DPF3: variants seen among roughly 807,000 people sequenced by gnomAD.
DPF3 encodes zinc finger protein DPF3.
DPF3 carries 18 observed loss-of-function variants against 56.8 expected under a neutral mutation model. That is an observed-to-expected ratio of 0.32 (90% confidence interval 0.22 to 0.47). DPF3 has a LOEUF of 0.47. Among genes scored for constraint, DPF3 ranks in the 20% least tolerant of loss-of-function variants. The probability of loss-of-function intolerance (pLI) is 1.00; values close to 1 mark genes in which losing one functional copy is unlikely to be tolerated. For synonymous variants in DPF3, 188 were observed against 180.2 expected (o/e 1.04, Z -0.35); for missense variants, 403 against 488.8 (o/e 0.82, Z 1.65).
intron 8 of DPF3, among the ~76,000 whole-genome samples, chr14:72,630,745 G>A (rs150698961): frequency 6.6e-6 from 1 of 152,350 alleles, no homozygotes; most frequent in Non-Finnish European, 1.5e-5. Flanking sequence ...TACTGACTCT[G>A]TCACAAAAAA....
At chr14:72,758,284 C>T (rs1462382636) in intron 2 of DPF3, among the ~76,000 whole-genome samples, 1 of 152,134 alleles carries the variant, frequency 6.6e-6, no homozygotes, top group Non-Finnish European at 1.5e-5. Context: ...CATTGAAGGA[C>T]AGTGATCCCT....
intron 1 of DPF3, among the ~76,000 whole-genome samples, chr14:72,789,027 GC>G (rs1300428685): frequency 3.3e-5 from 5 of 152,274 alleles, no homozygotes; most frequent in Non-Finnish European, 2.9e-5. Flanking sequence ...CTCCAGTGAG[GC>G]CTCCCTCCAA....
At chr14:72,705,439 T>C (rs1298975612) in intron 6 of DPF3, among the ~76,000 whole-genome samples, 1 of 152,068 alleles carries the variant, frequency 6.6e-6, no homozygotes, top group Non-Finnish European at 1.5e-5. Flanking sequence ...TACAATGTAA[T>C]AATCATAGAA....
intron 5 of DPF3, 38 bp from the exon 6 acceptor site, chr14:72,714,539 G>C: frequency 6.2e-7 from 1 of 1,610,704 alleles, no homozygotes; most frequent in Non-Finnish European, 8.5e-7. Flanking sequence ...TTGTTACCAT[G>C]GTCATCACTA....
chr14:72,793,512 C>T (rs1892521148), intron 1 of DPF3, among the ~76,000 whole-genome samples: 1 of 152,214 alleles, frequency 6.6e-6, no homozygotes, highest in East Asian at 1.9e-4. Context: ...GCCATATGGG[C>T]TCCCCCTGCA....
chr14:72,661,715 G>A (rs929244532), intron 8 of DPF3: 19 of 985,296 alleles, frequency 1.9e-5, no homozygotes, highest in Middle Eastern at 5.2e-4. Flanking sequence ...CCTTCAGGTC[G>A]GCCTTCCTAG....
In DPF3 at chr14:72,765,046, A is replaced by G. The variant is rs535949085; in HGVS notation, c.193+6687T>C. ...ATTGGAGAATTGCTTGGTGTAGGGG[A>G]AAAGACATCCACACATCTGCTCACA... On this transcript the variant is annotated intron_variant, in intron 2 of 10. Transcript: ENST00000556509. 2.0e-5 allele frequency among the ~76,000 whole-genome samples: 3 copies of G among 152,308 alleles called. No individual in the cohort carries two copies. In the South Asian group the frequency reaches 6.2e-4, roughly 32 times the overall value.
At chr14:72,682,795 G>A (rs1262887276) in intron 7 of DPF3, among the ~76,000 whole-genome samples, 2 of 152,190 alleles carry the variant, frequency 1.3e-5, no homozygotes, top group Non-Finnish European at 2.9e-5. Flanking sequence ...CCAAAAGCAG[G>A]CCGGGAAGTT....
intron 3 of DPF3, among the ~76,000 whole-genome samples, chr14:72,747,469 A>G (rs1194148750): frequency 3.3e-5 from 5 of 152,048 alleles, no homozygotes; most frequent in East Asian, 1.9e-4. Flanking sequence ...CACTTACCCT[A>G]TGAGGAGAAG....
chr14:72,769,476 T>G (rs756438250), intron 2 of DPF3, among the ~76,000 whole-genome samples: 25 of 151,790 alleles, frequency 1.6e-4, no homozygotes, highest in Non-Finnish European at 2.6e-4. Flanking sequence ...GGTCAAGAGA[T>G]CAAGACAATC....
At chr14:72,674,401 G>A in intron 7 of DPF3, 33 bp from the exon 8 acceptor site, 2 of 1,602,466 alleles carry the variant, frequency 1.2e-6, no homozygotes, top group Non-Finnish European at 1.7e-6. Flanking sequence ...CCAATTTCAG[G>A]CTTACATGAG....
At chr14:72,621,523 T>G (rs1462286430) in intron 9 of DPF3, among the ~76,000 whole-genome samples, 2 of 152,240 alleles carry the variant, frequency 1.3e-5, no homozygotes, top group Non-Finnish European at 2.9e-5. Context: ...GGGCTTTTTT[T>G]GTCATGCTAA....
At chr14:72,776,092 T>C (rs1891733478) in intron 1 of DPF3, among the ~76,000 whole-genome samples, 1 of 151,922 alleles carries the variant, frequency 6.6e-6, no homozygotes, top group South Asian at 2.1e-4. Flanking sequence ...AAATGACTCA[T>C]CTGTGGAGTG....
chr14:72,789,858 A>G (rs960263700), intron 1 of DPF3, among the ~76,000 whole-genome samples: 1 of 151,360 alleles, frequency 6.6e-6, no homozygotes, highest in Non-Finnish European at 1.5e-5. Flanking sequence ...CCTCCTTAGG[A>G]CTCCACTCAC....
chr14:72,881,834 C>G (rs1255818752), intron 1 of DPF3, among the ~76,000 whole-genome samples: 1 of 152,026 alleles, frequency 6.6e-6, no homozygotes, highest in East Asian at 1.9e-4. Context: ...ACTGAGATGG[C>G]TGTGATGGCA....
chr14:72,629,720 C>T lies in DPF3; in HGVS notation c.888G>A (p.Leu296=), dbSNP rs956390519. ...DCGRSGHPTC[L]QFTLNMTEAV... ...CCTCGGTCATGTTCAGGGTAAACTG[C>T]AGGCAGGTTGGGTGACCTGGAGGAA... Residue 296 remains leucine, a synonymous_variant, in exon 9 of 11, where the codon CTG becomes CTA. Coordinates refer to ENST00000556509, the MANE Select transcript of DPF3 (RefSeq NM_001280542.3). 4.6e-6 allele frequency: 7 copies of T among 1,535,936 alleles called. No homozygotes were observed. In the African/African-American group the frequency reaches 9.6e-5, roughly 21 times the overall value.
At chr14:72,676,596 TG>T (rs1365061030) in intron 7 of DPF3, among the ~76,000 whole-genome samples, 1 of 152,188 alleles carries the variant, frequency 6.6e-6, no homozygotes, top group Non-Finnish European at 1.5e-5. Context: ...AGGATATAAT[TG>T]AATCATGGGG....
intron 1 of DPF3, among the ~76,000 whole-genome samples, chr14:72,823,731 G>A (rs896258930): frequency 6.6e-6 from 1 of 152,202 alleles, no homozygotes; most frequent in African/African-American, 2.4e-5. Context: ...AGGTGTATGA[G>A]TGTTTTAATG....
At chr14:72,806,836 C>T (rs8012823) in intron 1 of DPF3, 70,869 of 151,930 alleles carry the variant, frequency 0.47, 16,872 homozygotes, top group East Asian at 0.64. Flanking sequence ...GGGCTTCCAA[C>T]GGACTGATCT....
Sources: gnomAD v4.1 joint callset for allele counts (sites outside exome capture counted in the v4.1 genomes callset) on GRCh38, gnomAD v4.1.1 for gene constraint, MANE v1.5 for transcripts, NCBI Gene and HGNC (gene_info 2026-07-23, HGNC 2026-07-21) for gene names.